The following KARS1 variants were observed in gnomAD, a reference collection of about 807,000 sequenced individuals.
KARS1 encodes the protein lysyl-tRNA synthetase 1.
In KARS1, 50 loss-of-function variants were observed where a neutral mutation model predicts 63.9. The observed-to-expected ratio is 0.78, with a 90% CI of 0.62 to 0.99. The LOEUF is 0.99. Ranked by LOEUF, KARS1 falls within the 50% of genes least tolerant of loss-of-function variation. KARS1 has a pLI of 0.00. For missense variants in KARS1, 816 were observed against 754.5 expected (o/e 1.08, Z -0.95); for synonymous variants, 320 against 264.6 (o/e 1.21, Z -2.03).
chr16:75,627,864 C>T lies in KARS1; in HGVS notation c.*31G>A. ...GATCTTTCGCAGAAATGCAAAGACG[C>T]CTGAGTTATACAACTTGCAATTATT... is the stretch of plus-strand genomic sequence containing the variant. On this transcript the variant is annotated 3_prime_UTR_variant, in exon 14 of 14. Coordinates refer to ENST00000302445, the MANE Select transcript of KARS1 (RefSeq NM_005548.3). 1 of 1,234,670 alleles carries T rather than the reference C, an allele frequency of 8.1e-7. No homozygotes were observed. Among genetic ancestry groups the T allele is most frequent in the Non-Finnish European group, 1.2e-6 (1 of 834,218 alleles). 76.5% of individuals were successfully genotyped at this position (1,234,670 alleles called of 1,614,324 possible).
chr16:75,645,357 G>A (rs1472292509), intron 1 of KARS1, among the ~76,000 whole-genome samples: 1 of 152,174 alleles, frequency 6.6e-6, no homozygotes. Context: ...CTGGATCACT[G>A]CTAGACTATA....
Position 75,627,737 on chromosome 16 carries a change from G to A in KARS1, c.*158C>T. On this transcript the variant is annotated 3_prime_UTR_variant, in exon 14 of 14. Coordinates refer to ENST00000302445, the MANE Select transcript of KARS1 (RefSeq NM_005548.3). The stretch of plus-strand genomic sequence containing the variant: ...GAGACAAATGGCTTATTTGGTAACA[G>A]GATTAAAAAGAAATTTTTAATTCCT... The A allele has an allele frequency of 4.6e-6, 3 of 659,030 alleles. No individual in the cohort carries two copies. The highest frequency in any genetic ancestry group is 5.5e-6 in the Non-Finnish European group (2 of 361,306). The allele number at this position is 659,030 out of a possible 1,614,324, so 40.8% of individuals were successfully genotyped here.
chr16:75,641,433 G>T, intron 2 of KARS1, 131 bp downstream of exon 2: 1 of 740,350 alleles, frequency 1.4e-6, no homozygotes, highest in Non-Finnish European at 2.3e-6. Context: ...TGCAGTGGGA[G>T]ACCCTCCCTT....
chr16:75,631,292 C>T (rs751583623), intron 9 of KARS1, 39 bp from the exon 10 acceptor site: 13 of 1,593,790 alleles, frequency 8.2e-6, no homozygotes, highest in Admixed American at 3.4e-5. Flanking sequence ...GGAGACATCA[C>T]ACTAGCCAAG....
At chr16:75,630,976 TCA>T (rs1567498598) in intron 10 of KARS1, among the ~76,000 whole-genome samples, 190 bp downstream of exon 10, 3 of 152,250 alleles carry the variant, frequency 2.0e-5, no homozygotes, top group African/African-American at 7.2e-5. Flanking sequence ...TTAACTGAGA[TCA>T]CACACATAAA....
chr16:75,644,542 GA>G, intron 1 of KARS1: 5 of 1,023,208 alleles, frequency 4.9e-6, no homozygotes, highest in Non-Finnish European at 6.9e-6. Context: ...ATGGGTTGGG[GA>G]GGGGGACCAT....
In KARS1 at chr16:75,627,999, G is replaced by A; in HGVS notation, c.1696-6C>T. On this transcript the variant is annotated splice_region_variant and splice_polypyrimidine_tract_variant and intron_variant, in intron 13 of 13. Coordinates refer to ENST00000302445, the MANE Select transcript of KARS1 (RefSeq NM_005548.3). ...GCAGGAAACAGAAGTACTTCCTGTGGGAGATAAGAATGTACCTTGAAGCTG... is the reference window on the plus strand; with the variant it reads ...GCAGGAAACAGAAGTACTTCCTGTGAGAGATAAGAATGTACCTTGAAGCTG... 2 of 1,549,150 alleles carry A rather than the reference G, an allele frequency of 1.3e-6. No homozygotes were observed. The highest frequency in any genetic ancestry group is 1.8e-6 in the Non-Finnish European group (2 of 1,120,848).
chr16:75,631,352 A>C, intron 9 of KARS1, 64 bp downstream of exon 9: 1 of 1,586,850 alleles, frequency 6.3e-7, no homozygotes, highest in Non-Finnish European at 8.7e-7. Context: ...CTCTGACCCA[A>C]TCAAATTCAG....
chr16:75,647,652 C>G lies in KARS1; in HGVS notation c.-13G>C. The G allele has an allele frequency of 1.2e-6, 2 of 1,613,620 alleles. No individual in the cohort carries two copies. Among genetic ancestry groups the G allele is most frequent in the East Asian group, 4.5e-5 (2 of 44,852 alleles). ...GCACGGCCGCCATCTTCCCGGAGGG[C>G]CCGACCCAAAAGTAAGGAGGATAGT... On this transcript the variant is annotated 5_prime_UTR_variant, in exon 1 of 14. Coordinates refer to ENST00000302445, the MANE Select transcript of KARS1 (RefSeq NM_005548.3).
intron 4 of KARS1, 108 bp downstream of exon 4, chr16:75,636,346 C>G: frequency 1.2e-6 from 1 of 862,168 alleles, no homozygotes; most frequent in Admixed American, 1.7e-5. Flanking sequence ...CCAACCATGT[C>G]CCACTCCTTC....
rs976988415 is a variant in KARS1, at chr16:75,627,963, C to A, written c.1726G>T (p.Glu576Ter). ...GTTGCTACATTCTCCTTCTTGTCTT[C>A]GGGTTTCATGGCAGGAAACAGAAGT... ...EVLLFPAMKP[E>*]DKKENVATTD... Residue 576 changes from glutamate (E) to a stop codon, truncating the protein, a stop_gained, in exon 14 of 14, where the codon GAA (glutamate) becomes TAA (stop). Transcript: ENST00000302445. LOFTEE classifies it high-confidence loss of function. 21 of 1,610,952 alleles carry A rather than the reference C, an allele frequency of 1.3e-5. No individual in the cohort carries two copies. Among genetic ancestry groups the A allele is most frequent in the Admixed American group, 1.2e-4 (7 of 59,998 alleles).
At chr16:75,647,491 C>A (rs558259298) in intron 1 of KARS1, 87 bp downstream of exon 1, 260 of 1,266,942 alleles carry the variant, frequency 2.1e-4, no homozygotes, top group African/African-American at 1.9e-3. Context: ...AAGGCCCCGG[C>A]ACAGCAGCCT....
At chr16:75,643,689 T>A (rs1327116473) in intron 1 of KARS1, among the ~76,000 whole-genome samples, 2 of 152,228 alleles carry the variant, frequency 1.3e-5, no homozygotes, top group East Asian at 3.8e-4. Flanking sequence ...GAATCTTTCA[T>A]CTTGTAAAAA....
In KARS1 at chr16:75,629,528, C is replaced by G. The variant is rs376538590; in HGVS notation, c.1438G>C (p.Glu480Gln). 49 of 1,614,024 alleles carry G rather than the reference C, an allele frequency of 3.0e-5. No individual in the cohort carries two copies. The African/African-American group carries it at 5.3e-4, about 18-fold the overall frequency. Residue 480 changes from glutamate to glutamine, a missense_variant, in exon 12 of 14, where the codon GAG (glutamate) becomes CAG (glutamine). Physicochemically the swap from Glu to Gln is conservative, Grantham distance 29 (BLOSUM62 2). Coordinates refer to ENST00000302445, the MANE Select transcript of KARS1 (RefSeq NM_005548.3). Reference sequence around the variant, plus strand: ...AGCTCAAAGCGCTCAGTCAGACCCTCTTTAGAGCGGTGCCTAGGGACAGGA... The same window carrying G: ...AGCTCAAAGCGCTCAGTCAGACCCTGTTTAGAGCGGTGCCTAGGGACAGGA... ...SPLAKWHRSK[E>Q]GLTERFELFV...
rs1597169352 is a variant in KARS1, at chr16:75,635,898, C to A, written c.669+14G>T. The A allele has an allele frequency of 6.2e-7, 1 of 1,613,996 alleles. No homozygotes were observed. The highest frequency in any genetic ancestry group is 2.2e-5 in the East Asian group (1 of 44,882). On this transcript the variant is annotated intron_variant, in intron 5 of 13. Coordinates refer to ENST00000302445, the MANE Select transcript of KARS1 (RefSeq NM_005548.3). ...AAGCTAGGAGGCCACAGCTAGGAGG[C>A]CAAGAACGCTTACCTTGTCTTTGAG...
At chr16:75,635,308 G>C in intron 6 of KARS1, 1 of 323,964 alleles carries the variant, frequency 3.1e-6, no homozygotes, top group South Asian at 2.6e-5. Context: ...CAGAAGGAGT[G>C]AAAGAGCACT....
intron 3 of KARS1, among the ~76,000 whole-genome samples, chr16:75,639,248 G>A (rs1330748331): frequency 6.6e-6 from 1 of 151,936 alleles, no homozygotes; most frequent in Non-Finnish European, 1.5e-5. Context: ...GTGTATCTGA[G>A]AATACTGAAC....
chr16:75,643,379 CTTTT>C (rs764979861), intron 1 of KARS1, among the ~76,000 whole-genome samples: 26 of 140,986 alleles, frequency 1.8e-4, no homozygotes, highest in Non-Finnish European at 9.4e-5. Context: ...AATCTTTCAC[CTTTT>C]TTTTTTTTTT....
intron 7 of KARS1, among the ~76,000 whole-genome samples, chr16:75,632,687 CTAATA>C (rs1774023272): frequency 6.6e-6 from 1 of 152,210 alleles, no homozygotes; most frequent in Non-Finnish European, 1.5e-5. Context: ...ACAGCCCATT[CTAATA>C]TGACTCAGAA....
Sources: gnomAD v4.1 joint callset for allele counts (sites outside exome capture counted in the v4.1 genomes callset) on GRCh38, gnomAD v4.1.1 for gene constraint, MANE v1.5 for transcripts, NCBI Gene and HGNC (gene_info 2026-07-23, HGNC 2026-07-21) for gene names.